CDH8: variants seen among roughly 807,000 people sequenced by gnomAD.
CDH8 encodes the protein cadherin 8.
A neutral mutation model predicts 68.1 loss-of-function variants in CDH8; 17 were observed. That is an observed-to-expected ratio of 0.25 (90% CI 0.17 to 0.37). The LOEUF (loss-of-function observed/expected upper bound fraction) is 0.37. Ranked by LOEUF, CDH8 falls within the 10% of genes least tolerant of loss-of-function variation. The pLI, the probability that CDH8 is intolerant of heterozygous loss-of-function variation, is 1.00. For synonymous variants in CDH8, 372 were observed against 365.1 expected, an observed-to-expected ratio of 1.02 and a Z score of -0.21; for missense variants, 763 against 999.3, an observed-to-expected ratio of 0.76 and a Z score of 3.19.
chr16:61,666,178 C>CTGTGTGTGTG (rs370163800), intron 10 of CDH8, among the ~76,000 whole-genome samples: 2,175 of 144,118 alleles, frequency 0.015, 19 homozygotes, highest in Non-Finnish European at 0.022. Context: ...AGCACATACT[C>CTGTGTGTGTG]TGTGTGTGTG....
intron 9 of CDH8, chr16:61,726,749 G>GT (rs891502904): frequency 5.6e-6 from 2 of 359,146 alleles, no homozygotes; most frequent in African/African-American, 4.2e-5. Context: ...TCTCCACGAG[G>GT]TTTTACCTTG....
chr16:61,946,629 G>C (rs548107183), intron 2 of CDH8, among the ~76,000 whole-genome samples: 1 of 152,134 alleles, frequency 6.6e-6, no homozygotes, highest in Non-Finnish European at 1.5e-5. Flanking sequence ...GCGTTTGATA[G>C]GTCACAGCTT....
chr16:61,996,487 G>A (rs934024659), intron 2 of CDH8, among the ~76,000 whole-genome samples: 3 of 151,998 alleles, frequency 2.0e-5, no homozygotes, highest in African/African-American at 4.8e-5. Flanking sequence ...TCAACAATAG[G>A]TTTTATTTGA....
Position 61,658,448 on chromosome 16 carries a change from GT to G in CDH8, c.1655-2728del, listed in dbSNP as rs1034091082. ...TTTTGGTTGTTGTATTAATTCGATT[GT>G]TTTCTATACTAAAAATTGAGTTTCT... On this transcript the variant is annotated intron_variant, in intron 10 of 11. Transcript: ENST00000577390. Among the ~76,000 whole-genome samples the G allele has an allele frequency of 5.9e-5, 9 of 151,840 alleles. No individual in the cohort carries two copies. The East Asian group carries it at 7.7e-4, about 13-fold the overall frequency.
At chr16:61,665,846 C>CTCCT (rs1258772043) in intron 10 of CDH8, among the ~76,000 whole-genome samples, 2 of 144,296 alleles carry the variant, frequency 1.4e-5, no homozygotes, top group African/African-American at 5.1e-5. Context: ...CCCTCCCTCC[C>CTCCT]TCCTTCCTTC....
At chr16:61,675,674 C>A (rs966447978) in intron 10 of CDH8, among the ~76,000 whole-genome samples, 1 of 148,720 alleles carries the variant, frequency 6.7e-6, no homozygotes, top group African/African-American at 2.5e-5. Context: ...TTAAGAAATG[C>A]ATATTGACTG....
Position 61,800,662 on chromosome 16 carries a change from C to G in CDH8, c.1278-11180G>C, listed in dbSNP as rs540331564. ...TGTTTCAAAGGCACTTCAGCTAGAC[C>G]CGTCCCATTCCCCAGCAAGCAGACT... On this transcript the variant is annotated intron_variant, in intron 7 of 11. Transcript: ENST00000577390. Among the ~76,000 whole-genome samples, 7 of 152,236 alleles carry G rather than the reference C, an allele frequency of 4.6e-5. No homozygotes were observed. The South Asian group carries it at 1.5e-3, about 32-fold the overall frequency.
At chr16:62,020,920 T>C (rs981229066) in intron 2 of CDH8, among the ~76,000 whole-genome samples, 5 of 151,798 alleles carry the variant, frequency 3.3e-5, no homozygotes, top group African/African-American at 1.2e-4. Context: ...CAGTGTTGTA[T>C]TTTACTGATA....
intron 8 of CDH8, among the ~76,000 whole-genome samples, chr16:61,766,801 ATAT>A (rs869218145): frequency 6.6e-6 from 1 of 151,914 alleles, no homozygotes; most frequent in East Asian, 1.9e-4. Context: ...ATTCATCGTA[ATAT>A]TATGTGTTAG....
chr16:61,808,749 A>G (rs1005550213), intron 7 of CDH8, among the ~76,000 whole-genome samples: 2 of 152,230 alleles, frequency 1.3e-5, no homozygotes, highest in Admixed American at 1.3e-4. Flanking sequence ...TGGAAATTCA[A>G]ACTTCCAACA....
intron 9 of CDH8, 130 bp downstream of exon 9, chr16:61,726,964 T>G: frequency 2.1e-6 from 2 of 947,294 alleles, no homozygotes; most frequent in Non-Finnish European, 3.2e-6. Context: ...TCTGTTCCCA[T>G]TTGGATGTGT....
At chr16:61,843,062 T>C (rs747075488) in intron 4 of CDH8, among the ~76,000 whole-genome samples, 3 of 152,144 alleles carry the variant, frequency 2.0e-5, no homozygotes, top group Non-Finnish European at 2.9e-5. Flanking sequence ...TGATACTTTC[T>C]GTCAGCTGCT....
chr16:61,710,352 A>G (rs1964608549), intron 10 of CDH8, among the ~76,000 whole-genome samples: 1 of 152,134 alleles, frequency 6.6e-6, no homozygotes, highest in Non-Finnish European at 1.5e-5. Context: ...TGCATAAATT[A>G]TACTCTATAC....
intron 8 of CDH8, among the ~76,000 whole-genome samples, chr16:61,742,252 G>T (rs1959894005): frequency 6.6e-6 from 1 of 152,032 alleles, no homozygotes; most frequent in Non-Finnish European, 1.5e-5. Context: ...ATAGTTTATA[G>T]ATTATTTTTG....
intron 2 of CDH8, among the ~76,000 whole-genome samples, chr16:61,954,472 C>T (rs529287917): frequency 1.3e-5 from 2 of 152,012 alleles, no homozygotes; most frequent in South Asian, 2.1e-4. Context: ...GAGGCCGAGG[C>T]GGGTGGATCA....
chr16:61,990,971 GAGAA>G lies in CDH8; in HGVS notation c.252+30177_252+30180del, dbSNP rs1022341520. Among the ~76,000 whole-genome samples, 134 of 150,008 alleles carry G rather than the reference GAGAA, an allele frequency of 8.9e-4. 1 individual carries two copies. In the South Asian group the frequency reaches 9.9e-3, roughly 11 times the overall value. ...GAGAGAGAAAAAAGAAAGAAAGAAA[GAGAA>G]AGAAAGGAAGGAAGAAAGGGAGGAA... On this transcript the variant is annotated intron_variant, in intron 2 of 11. Coordinates refer to ENST00000577390, the MANE Select transcript of CDH8 (RefSeq NM_001796.5).
Position 61,787,396 on chromosome 16 carries a change from A to C in CDH8, c.1414+1950T>G, listed in dbSNP as rs1280151455. On this transcript the variant is annotated intron_variant, in intron 8 of 11. Coordinates refer to ENST00000577390, the MANE Select transcript of CDH8 (RefSeq NM_001796.5). ...CAAATCAAAACCACTATGAGATACCATCTCATACCAGTTAGAATGGCAATC... is the reference window on the plus strand; with the variant it reads ...CAAATCAAAACCACTATGAGATACCCTCTCATACCAGTTAGAATGGCAATC... Among the ~76,000 whole-genome samples the C allele has an allele frequency of 5.6e-5, 8 of 142,448 alleles. 1 individual carries two copies. The highest frequency in any genetic ancestry group is 3.5e-4 in the Admixed American group (5 of 14,358). 93.5% of individuals were successfully genotyped at this position (142,448 alleles called of 152,430 possible). A position where few individuals can be genotyped will look rare whatever the true frequency, so the allele number is the denominator to read the frequency against.
At chr16:61,849,078 C>G (rs1962882757) in intron 4 of CDH8, among the ~76,000 whole-genome samples, 1 of 152,092 alleles carries the variant, frequency 6.6e-6, no homozygotes, top group Non-Finnish European at 1.5e-5. Flanking sequence ...TTGTTGCTAC[C>G]TACAATTTTT....
chr16:61,683,990 C>A (rs942447944), intron 10 of CDH8, among the ~76,000 whole-genome samples: 4 of 152,014 alleles, frequency 2.6e-5, no homozygotes, highest in East Asian at 1.9e-4. Flanking sequence ...CAGTTGAAGA[C>A]AGAACACAGA....
Sources: gnomAD v4.1 joint callset for allele counts (sites outside exome capture counted in the v4.1 genomes callset) on GRCh38, gnomAD v4.1.1 for gene constraint, MANE v1.5 for transcripts, NCBI Gene and HGNC (gene_info 2026-07-23, HGNC 2026-07-21) for gene names.